Variants in TTC7B observed in about 807,000 individuals in gnomAD.
TTC7B encodes the protein tetratricopeptide repeat protein 7B.
In TTC7B, 28 loss-of-function variants were observed where a neutral mutation model predicts 106.8. The ratio of observed to expected loss-of-function variants is 0.26; its 90% confidence interval spans 0.19 to 0.36. TTC7B has a LOEUF of 0.36. TTC7B is among the 10% of genes least tolerant of loss of function. TTC7B has a pLI of 1.00. For synonymous variants in TTC7B, 405 were observed against 430.6 expected, an observed-to-expected ratio of 0.94 and a Z score of 0.74; for missense variants, 862 against 1,076.4, an observed-to-expected ratio of 0.80 and a Z score of 2.79.
intron 3 of TTC7B, among the ~76,000 whole-genome samples, chr14:90,774,705 G>A (rs74926618): frequency 0.017 from 2,654 of 152,284 alleles, 31 homozygotes; most frequent in Non-Finnish European, 0.028. Context: ...TCCCTAAGCC[G>A]CACTCCAGGC....
chr14:90,671,875 T>C (rs1441289312), intron 9 of TTC7B, among the ~76,000 whole-genome samples: 1 of 152,150 alleles, frequency 6.6e-6, no homozygotes, highest in African/African-American at 2.4e-5. Flanking sequence ...CAGCCTTCCA[T>C]CTTGAATAAG....
rs1473735409 is a variant in TTC7B at position 90,537,079 on chromosome 14, A to G, written c.*4289T>C. On this transcript the variant is annotated 3_prime_UTR_variant, in exon 20 of 20. Coordinates refer to ENST00000328459, the MANE Select transcript of TTC7B (RefSeq NM_001010854.2). ...GACGGGGACACCCGTCCTCCTCCAG[A>G]GCCTGGGGAAGGAGCACAGCCCCAC... is the stretch of plus-strand genomic sequence containing the variant. The G allele has an allele frequency of 1.3e-5, 2 of 152,264 alleles. No homozygotes were observed. The highest frequency in any genetic ancestry group is 2.9e-5 in the Non-Finnish European group (2 of 68,042). 9.4% of individuals were successfully genotyped at this position (152,264 alleles called of 1,614,324 possible). A position where few individuals can be genotyped will look rare whatever the true frequency, so the allele number is the denominator to read the frequency against.
intron 15 of TTC7B, among the ~76,000 whole-genome samples, chr14:90,632,451 TA>T (rs1046577951): frequency 1.3e-5 from 2 of 152,038 alleles, no homozygotes; most frequent in South Asian, 2.1e-4. Flanking sequence ...AGTAATGATT[TA>T]AAAAAAAATT....
intron 9 of TTC7B, among the ~76,000 whole-genome samples, chr14:90,670,579 A>G (rs1288741788): frequency 6.6e-6 from 1 of 152,242 alleles, no homozygotes; most frequent in Non-Finnish European, 1.5e-5. Flanking sequence ...TCTCTGAACT[A>G]TGCTACCCTA....
At chr14:90,545,045 T>C (rs1889769457) in intron 19 of TTC7B, among the ~76,000 whole-genome samples, 1 of 152,220 alleles carries the variant, frequency 6.6e-6, no homozygotes, top group Non-Finnish European at 1.5e-5. Context: ...CTAGCCCATC[T>C]CCTATTACTA....
intron 3 of TTC7B, among the ~76,000 whole-genome samples, chr14:90,748,719 A>G (rs185458538): frequency 1.3e-5 from 2 of 152,216 alleles, no homozygotes; most frequent in East Asian, 1.9e-4. Flanking sequence ...AGCCTTTATT[A>G]TCTTATGTAC....
At chr14:90,607,198 G>T (rs2139837443) in intron 17 of TTC7B, among the ~76,000 whole-genome samples, 1 of 152,254 alleles carries the variant, frequency 6.6e-6, no homozygotes, top group Non-Finnish European at 1.5e-5. Flanking sequence ...ATTTAGTTCT[G>T]GGGGAAAACA....
intron 3 of TTC7B, among the ~76,000 whole-genome samples, chr14:90,765,708 A>G (rs59944857): frequency 0.27 from 41,828 of 152,130 alleles, 9,492 homozygotes; most frequent in African/African-American, 0.63. Context: ...CTGTGAACAC[A>G]TTCCTAGAGA....
chr14:90,710,054 T>C lies in TTC7B; in HGVS notation c.699-14476A>G, dbSNP rs1215180676. ...CAATATTTTGGATAAACTTTTCTACTTGAAAAAAAAAAAAAAAGAAAACCT... is the reference window on the plus strand; with the variant it reads ...CAATATTTTGGATAAACTTTTCTACCTGAAAAAAAAAAAAAAAGAAAACCT... On this transcript the variant is annotated intron_variant, in intron 5 of 19. Coordinates refer to ENST00000328459, the MANE Select transcript of TTC7B (RefSeq NM_001010854.2). Among the ~76,000 whole-genome samples, 10 of 128,744 alleles carry C rather than the reference T, an allele frequency of 7.8e-5. 1 individual carries two copies. The highest frequency in any genetic ancestry group is 6.9e-4 in the Admixed American group (9 of 13,114). 84.5% of individuals were successfully genotyped at this position (128,744 alleles called of 152,430 possible). A position where few individuals can be genotyped will look rare whatever the true frequency, so the allele number is the denominator to read the frequency against.
At chr14:90,654,950 C>T (rs754849741) in intron 12 of TTC7B, 43 bp downstream of exon 12, 4 of 1,454,696 alleles carry the variant, frequency 2.7e-6, no homozygotes, top group African/African-American at 1.4e-5. Context: ...TTAGGTAGTC[C>T]AGCCCTGCAG....
intron 7 of TTC7B, among the ~76,000 whole-genome samples, chr14:90,683,151 A>G (rs1225373184): frequency 6.6e-6 from 1 of 152,222 alleles, no homozygotes; most frequent in Non-Finnish European, 1.5e-5. Context: ...TATATAACTA[A>G]TGACAAGTTG....
intron 9 of TTC7B, among the ~76,000 whole-genome samples, chr14:90,668,761 A>G (rs1173465648): frequency 6.7e-6 from 1 of 150,372 alleles, no homozygotes; most frequent in Non-Finnish European, 1.5e-5. Flanking sequence ...ACTATGAGGC[A>G]TTGTTGAGAC....
At chr14:90,541,992 T>G (rs551091749) in intron 19 of TTC7B, among the ~76,000 whole-genome samples, 26 of 152,338 alleles carry the variant, frequency 1.7e-4, no homozygotes, top group Admixed American at 1.4e-3. Flanking sequence ...CAGGCTGGAG[T>G]GCAGTGGCGC....
At chr14:90,557,879 A>G (rs1890390581) in intron 19 of TTC7B, among the ~76,000 whole-genome samples, 1 of 152,088 alleles carries the variant, frequency 6.6e-6, no homozygotes, top group Non-Finnish European at 1.5e-5. Flanking sequence ...TTTACAGGAA[A>G]CTCTGGAAAG....
At chr14:90,549,975 G>T (rs760831665) in intron 19 of TTC7B, among the ~76,000 whole-genome samples, 14 of 152,196 alleles carry the variant, frequency 9.2e-5, no homozygotes, top group African/African-American at 1.7e-4. Flanking sequence ...GAACAGACTC[G>T]CTGTGCAATA....
At chr14:90,751,859 T>G (rs920184144) in intron 3 of TTC7B, among the ~76,000 whole-genome samples, 4 of 152,194 alleles carry the variant, frequency 2.6e-5, no homozygotes, top group African/African-American at 9.7e-5. Context: ...GGGAAAAGAA[T>G]AAGAGTCTCA....
intron 14 of TTC7B, 200 bp downstream of exon 14, chr14:90,646,751 G>A (rs138949183): frequency 4.5e-5 from 26 of 578,014 alleles, no homozygotes; most frequent in Non-Finnish European, 8.0e-5. Flanking sequence ...GCAGAGCCTG[G>A]AACTCCTGTG....
At chr14:90,580,422 C>G (rs1000883598) in intron 18 of TTC7B, among the ~76,000 whole-genome samples, 5 of 152,214 alleles carry the variant, frequency 3.3e-5, no homozygotes, top group Non-Finnish European at 5.9e-5. Flanking sequence ...TCAGGGCAAA[C>G]TGGAGGCAGA....
chr14:90,786,214 C>T lies in TTC7B; in HGVS notation c.236G>A (p.Arg79His), dbSNP rs771159231. 4 of 1,598,520 alleles carry T rather than the reference C, an allele frequency of 2.5e-6. No individual in the cohort carries two copies. The highest frequency in any genetic ancestry group is 1.8e-5 in the Admixed American group (1 of 56,994). ...RGPKPQLTEV[R>H]KHLTAALDRG... Reference sequence around the variant, plus strand: ...GTCCAGGGCGGCGGTCAGATGCTTGCGGACCTCAGTCAGCTGGGGCTTGGG... The same window carrying T: ...GTCCAGGGCGGCGGTCAGATGCTTGTGGACCTCAGTCAGCTGGGGCTTGGG... Residue 79 changes from arginine (R) to histidine (H), a missense_variant, in exon 2 of 20, where the codon CGC becomes CAC. By Grantham distance (29) the Arg-to-His change is conservative (BLOSUM62 0). Transcript: ENST00000328459.
Sources: gnomAD v4.1 joint callset for allele counts (sites outside exome capture counted in the v4.1 genomes callset) on GRCh38, gnomAD v4.1.1 for gene constraint, MANE v1.5 for transcripts, NCBI Gene and HGNC (gene_info 2026-07-23, HGNC 2026-07-21) for gene names.